Variants in ARMC9 observed in about 807,000 individuals in gnomAD.
ARMC9 encodes the protein lisH domain-containing protein ARMC9.
A neutral mutation model predicts 107.0 loss-of-function variants in ARMC9; 94 were observed. The observed-to-expected ratio is 0.88, with a 90% confidence interval of 0.74 to 1.04. The LOEUF (loss-of-function observed/expected upper bound fraction) is 1.04. Among genes scored for constraint, ARMC9 ranks in the 50% least tolerant of loss-of-function variants. The probability of loss-of-function intolerance (pLI) is 0.00; values close to 1 mark genes in which losing one functional copy is unlikely to be tolerated. For synonymous variants in ARMC9, 380 were observed against 396.9 expected, an observed-to-expected ratio of 0.96 and a Z score of 0.51; for missense variants, 942 against 1,030.1, an observed-to-expected ratio of 0.91 and a Z score of 1.17.
chr2:231,265,194 G>T (rs2038744558), intron 12 of ARMC9, among the ~76,000 whole-genome samples: 1 of 152,162 alleles, frequency 6.6e-6, no homozygotes, highest in African/African-American at 2.4e-5. Context: ...AAACAGTACG[G>T]AGATTCCTTA....
rs937365996 is a variant in ARMC9, at chr2:231,360,455, T to G, written c.2132-299T>G. The stretch of plus-strand genomic sequence containing the variant: ...CTAGCCATGGCCCAGGGAGACAATT[T>G]GTTGTTCTGAGGGCTTTCCAGAGGC... On this transcript the variant is annotated intron_variant, in intron 22 of 24. Transcript: ENST00000611582. This position sits in a 1 kb window ranked among gnomAD's most constrained non-coding sequence, Gnocchi z 4.7. Among the ~76,000 whole-genome samples, 12 of 152,180 alleles carry G rather than the reference T, an allele frequency of 7.9e-5. No homozygotes were observed. Among genetic ancestry groups the G allele is most frequent in the Non-Finnish European group, 1.5e-4 (10 of 68,024 alleles).
chr2:231,327,602 G>A (rs2125548940), intron 19 of ARMC9, among the ~76,000 whole-genome samples: 1 of 152,262 alleles, frequency 6.6e-6, no homozygotes, highest in East Asian at 1.9e-4. Context: ...ACTGTTTCCA[G>A]TTTGGGGCTA....
intron 7 of ARMC9, among the ~76,000 whole-genome samples, chr2:231,230,793 A>G (rs941246868): frequency 5.3e-5 from 8 of 152,148 alleles, no homozygotes; most frequent in East Asian, 1.9e-4. Context: ...TTGTTATACC[A>G]TTTTGTTTAC....
chr2:231,327,029 G>GC (rs1025799087), intron 19 of ARMC9, among the ~76,000 whole-genome samples: 2 of 152,028 alleles, frequency 1.3e-5, no homozygotes, highest in African/African-American at 4.8e-5. Context: ...TTCCTCCAGG[G>GC]CCCCTCCTTC....
chr2:231,252,177 G>C (rs1041537153), intron 9 of ARMC9, among the ~76,000 whole-genome samples: 3 of 152,108 alleles, frequency 2.0e-5, no homozygotes, highest in African/African-American at 7.2e-5. Flanking sequence ...GGAGAATGTT[G>C]ATAAATTTCA....
chr2:231,234,706 C>T (rs189159414), intron 7 of ARMC9, among the ~76,000 whole-genome samples: 202 of 152,214 alleles, frequency 1.3e-3, no homozygotes, highest in African/African-American at 4.4e-3. Flanking sequence ...CAGGTTCAAG[C>T]GATTCTTGTG....
intron 14 of ARMC9, among the ~76,000 whole-genome samples, chr2:231,273,664 C>G (rs2039520533): frequency 6.6e-6 from 1 of 152,168 alleles, no homozygotes; most frequent in East Asian, 1.9e-4. Context: ...ATCCGCCCAC[C>G]TCAGCCCCCC....
chr2:231,261,523 C>G (rs1052788723), intron 11 of ARMC9, among the ~76,000 whole-genome samples: 1 of 152,204 alleles, frequency 6.6e-6, no homozygotes, highest in Non-Finnish European at 1.5e-5. Context: ...TCAGAGTGCT[C>G]TACAGTCAGC....
chr2:231,289,679 C>T (rs2040855331), intron 17 of ARMC9, among the ~76,000 whole-genome samples: 1 of 152,142 alleles, frequency 6.6e-6, no homozygotes, highest in Non-Finnish European at 1.5e-5. Context: ...ACAAGCCTGG[C>T]CAGGTGTCCA....
chr2:231,310,849 AG>A (rs1290118455), intron 19 of ARMC9, among the ~76,000 whole-genome samples: 2 of 151,042 alleles, frequency 1.3e-5, no homozygotes, highest in African/African-American at 4.9e-5. Context: ...AAAGCAGGCC[AG>A]GCACAGTGAC....
chr2:231,224,022 G>T (rs1475050603), intron 6 of ARMC9, among the ~76,000 whole-genome samples: 1 of 151,820 alleles, frequency 6.6e-6, no homozygotes, highest in East Asian at 1.9e-4. Context: ...TGTGGAACAG[G>T]GCTACCCCAT....
At position 231,311,771 on chromosome 2, in the gene ARMC9, A is replaced by C. The variant is rs990861093; in HGVS notation, c.1773+15518A>C. On this transcript the variant is annotated intron_variant, in intron 19 of 24. Transcript: ENST00000611582. The stretch of plus-strand genomic sequence containing the variant: ...GGTGACAAAGTAAGACTCCATCGCC[A>C]AAAAAAAAAAAAAAAAAAAAAAAAA... Among the ~76,000 whole-genome samples the C allele has an allele frequency of 5.3e-4, 4 of 7,580 alleles. No homozygotes were observed. The East Asian group carries it at 0.024, about 46-fold the overall frequency. 5.0% of individuals were successfully genotyped at this position (7,580 alleles called of 152,430 possible). A position where few individuals can be genotyped will look rare whatever the true frequency, so the allele number is the denominator to read the frequency against.
chr2:231,369,742 C>T (rs992270150), intron 23 of ARMC9, among the ~76,000 whole-genome samples: 11 of 151,684 alleles, frequency 7.3e-5, no homozygotes, highest in African/African-American at 1.5e-4. Context: ...TACAGGTGCC[C>T]GCCACCGCGC....
At chr2:231,288,462 A>G (rs1012436098) in intron 17 of ARMC9, among the ~76,000 whole-genome samples, 5 of 152,218 alleles carry the variant, frequency 3.3e-5, no homozygotes, top group African/African-American at 1.2e-4. Flanking sequence ...AGATATTTGA[A>G]TTTCTCAGGG....
At chr2:231,239,660 A>G (rs569903241) in intron 8 of ARMC9, among the ~76,000 whole-genome samples, 18 of 152,348 alleles carry the variant, frequency 1.2e-4, no homozygotes, top group African/African-American at 4.3e-4. Context: ...TGTTTATTCT[A>G]CATGACAGTG....
chr2:231,340,170 G>T (rs2044410020), intron 20 of ARMC9, among the ~76,000 whole-genome samples: 1 of 152,198 alleles, frequency 6.6e-6, no homozygotes, highest in Non-Finnish European at 1.5e-5. Flanking sequence ...TGGTGGAAAA[G>T]TTACCAAATT....
chr2:231,267,418 A>T (rs925127319), intron 12 of ARMC9, among the ~76,000 whole-genome samples: 1 of 151,918 alleles, frequency 6.6e-6, no homozygotes, highest in African/African-American at 2.4e-5. Context: ...TTTATTGGAG[A>T]TGGGGTTTCG....
intron 19 of ARMC9, among the ~76,000 whole-genome samples, chr2:231,312,258 T>G (rs1233498962): frequency 6.6e-6 from 1 of 152,150 alleles, no homozygotes; most frequent in Non-Finnish European, 1.5e-5. Flanking sequence ...GCCACGTGAC[T>G]TCACTCCTCC....
At chr2:231,246,394 T>C (rs977129415) in intron 9 of ARMC9, among the ~76,000 whole-genome samples, 1 of 152,208 alleles carries the variant, frequency 6.6e-6, no homozygotes, top group Admixed American at 6.5e-5. Context: ...TCTGTTATTC[T>C]GATCTTTGTG....
Sources: allele counts gnomAD v4.1 joint callset (sites outside exome capture counted in the v4.1 genomes callset), GRCh38; gene constraint gnomAD v4.1.1; non-coding constraint Gnocchi (gnomAD v3.1); transcripts MANE v1.5; gene names NCBI Gene and HGNC (gene_info 2026-07-23, HGNC 2026-07-21).